The following LRP1B variants were observed in gnomAD, a reference collection of about 807,000 sequenced individuals.
The protein encoded by LRP1B is low-density lipoprotein receptor-related protein 1B.
In LRP1B, 217 loss-of-function variants were observed where a neutral mutation model predicts 556.6. The observed-to-expected ratio is 0.39, with a 90% CI of 0.35 to 0.44. The LOEUF is 0.44. Among genes scored for constraint, LRP1B ranks in the 20% least tolerant of loss-of-function variants. LRP1B has a pLI of 1.00. For missense variants in LRP1B, 5,053 were observed against 5,620.8 expected, an observed-to-expected ratio of 0.90 and a Z score of 3.23; for synonymous variants, 2,047 against 1,865.8, an observed-to-expected ratio of 1.10 and a Z score of -2.50.
intron 3 of LRP1B, among the ~76,000 whole-genome samples, chr2:141,299,576 G>T (rs1246405328): frequency 6.6e-6 from 1 of 152,106 alleles, no homozygotes; most frequent in East Asian, 1.9e-4. Context: ...TTTAAATATT[G>T]CAGAGTCATA....
At chr2:141,183,150 G>A (rs1681081612) in intron 7 of LRP1B, among the ~76,000 whole-genome samples, 4 of 151,922 alleles carry the variant, frequency 2.6e-5, no homozygotes, top group African/African-American at 9.7e-5. Context: ...ATAGCCAAAT[G>A]TCTGTAACAT....
chr2:141,888,446 C>CT (rs1699189017), intron 1 of LRP1B, among the ~76,000 whole-genome samples: 1 of 152,170 alleles, frequency 6.6e-6, no homozygotes, highest in Non-Finnish European at 1.5e-5. Context: ...ACTCCATCTG[C>CT]TTTGCTGGGA....
chr2:142,117,171 G>A (rs2105006053), intron 1 of LRP1B, among the ~76,000 whole-genome samples: 1 of 152,194 alleles, frequency 6.6e-6, no homozygotes, highest in East Asian at 1.9e-4. Flanking sequence ...TATTAAGAGA[G>A]TTTTGTTTCT....
intron 66 of LRP1B, among the ~76,000 whole-genome samples, chr2:140,409,711 A>C (rs918707614): frequency 2.0e-5 from 3 of 152,042 alleles, no homozygotes; most frequent in African/African-American, 7.2e-5. Context: ...AAGTATATTG[A>C]ACAACTGAGA....
intron 19 of LRP1B, among the ~76,000 whole-genome samples, chr2:140,950,962 C>T (rs1270962281): frequency 1.3e-5 from 2 of 151,670 alleles, no homozygotes; most frequent in African/African-American, 4.8e-5. Flanking sequence ...AGAAAAAAAT[C>T]CTTGACTTTG....
intron 1 of LRP1B, among the ~76,000 whole-genome samples, chr2:141,988,201 A>G (rs898349190): frequency 1.3e-5 from 2 of 151,878 alleles, no homozygotes; most frequent in Admixed American, 6.6e-5. Context: ...AATGAAGGAC[A>G]ATGAAGTCTT....
chr2:141,211,564 C>A (rs1290605663), intron 6 of LRP1B, among the ~76,000 whole-genome samples: 1 of 151,984 alleles, frequency 6.6e-6, no homozygotes, highest in African/African-American at 2.4e-5. Context: ...TTGCAGTGAG[C>A]CGAGATCCGG....
chr2:141,720,818 C>T (rs574619858), intron 2 of LRP1B, among the ~76,000 whole-genome samples: 5 of 152,196 alleles, frequency 3.3e-5, no homozygotes, highest in South Asian at 4.1e-4. Flanking sequence ...CTTTTAAATA[C>T]AAACAATCCT....
At chr2:140,513,765 A>G (rs1306803315) in intron 51 of LRP1B, among the ~76,000 whole-genome samples, 2 of 152,080 alleles carry the variant, frequency 1.3e-5, no homozygotes, top group East Asian at 3.9e-4. Context: ...GGTGTTAAGT[A>G]TACTAAAATC....
At chr2:140,999,475 A>C (rs1697349563) in intron 15 of LRP1B, among the ~76,000 whole-genome samples, 1 of 152,122 alleles carries the variant, frequency 6.6e-6, no homozygotes, top group Non-Finnish European at 1.5e-5. Context: ...CATGTGTACC[A>C]CCATGATAAC....
chr2:141,903,242 AGTT>A (rs1239353894), intron 1 of LRP1B, among the ~76,000 whole-genome samples: 1 of 151,836 alleles, frequency 6.6e-6, no homozygotes, highest in Admixed American at 6.6e-5. Flanking sequence ...CTATCTGTAT[AGTT>A]GGGACTTGAC....
intron 18 of LRP1B, among the ~76,000 whole-genome samples, chr2:140,975,376 T>G (rs984659252): frequency 2.6e-5 from 4 of 152,180 alleles, no homozygotes; most frequent in African/African-American, 9.6e-5. Flanking sequence ...TTCTCATGTG[T>G]CAGAGGATTG....
intron 3 of LRP1B, among the ~76,000 whole-genome samples, chr2:141,343,702 C>T (rs957757243): frequency 1.3e-5 from 2 of 152,170 alleles, no homozygotes; most frequent in Non-Finnish European, 2.9e-5. Flanking sequence ...GGAAGAGGCA[C>T]TATGTCCAGT....
chr2:141,573,912 T>C (rs1011039994), intron 2 of LRP1B, among the ~76,000 whole-genome samples: 6 of 152,094 alleles, frequency 3.9e-5, no homozygotes, highest in African/African-American at 1.4e-4. Flanking sequence ...ATTGAATCCC[T>C]GAATAGACCA....
At chr2:141,967,154 G>A (rs895700638) in intron 1 of LRP1B, among the ~76,000 whole-genome samples, 17 of 151,804 alleles carry the variant, frequency 1.1e-4, no homozygotes, top group African/African-American at 3.4e-4. Context: ...TAGAGCCCTT[G>A]TTTCTTTCCT....
chr2:140,517,723 T>TTG (rs1689975303), intron 49 of LRP1B, among the ~76,000 whole-genome samples: 1 of 149,080 alleles, frequency 6.7e-6, no homozygotes, highest in African/African-American at 2.5e-5. Context: ...TTTTTTTTTT[T>TTG]TTGTTGAGAT....
chr2:141,861,885 G>A (rs1698253697), intron 1 of LRP1B, among the ~76,000 whole-genome samples: 1 of 151,598 alleles, frequency 6.6e-6, no homozygotes, highest in Non-Finnish European at 1.5e-5. Flanking sequence ...AGCCAAGATA[G>A]TGCCACTGCA....
intron 3 of LRP1B, among the ~76,000 whole-genome samples, chr2:141,450,197 T>C (rs13388605): frequency 0.012 from 1,823 of 152,312 alleles, 34 homozygotes; most frequent in African/African-American, 0.042. Context: ...GCACACTTTC[T>C]ATCTACTGCC....
At chr2:141,384,910 G>A (rs1023048894) in intron 3 of LRP1B, among the ~76,000 whole-genome samples, 2 of 152,086 alleles carry the variant, frequency 1.3e-5, no homozygotes, top group Admixed American at 1.3e-4. Context: ...TCTGCCCTAA[G>A]AACAAAGAGC....
Sources: allele counts gnomAD v4.1 joint callset (sites outside exome capture counted in the v4.1 genomes callset), GRCh38; gene constraint gnomAD v4.1.1; transcripts MANE v1.5; gene names NCBI Gene and HGNC (gene_info 2026-07-23, HGNC 2026-07-21).